Variants in LGI4 observed in about 807,000 individuals in gnomAD.
LGI4 encodes the protein leucine rich repeat LGI family member 4.
A neutral mutation model predicts 48.3 loss-of-function variants in LGI4; 36 were observed. The ratio of observed to expected loss-of-function variants is 0.75; its 90% CI spans 0.57 to 0.98. The LOEUF is 0.98. Among genes scored for constraint, LGI4 ranks in the 50% least tolerant of loss-of-function variants. The pLI is 0.00. For missense variants in LGI4, 701 were observed against 732.1 expected, an observed-to-expected ratio of 0.96 and a Z score of 0.49; for synonymous variants, 355 against 331.6, an observed-to-expected ratio of 1.07 and a Z score of -0.77.
intron 6 of LGI4, among the ~76,000 whole-genome samples, chr19:35,129,265 G>T (rs1257210493): frequency 1.3e-5 from 2 of 151,824 alleles, no homozygotes; most frequent in African/African-American, 2.4e-5. Flanking sequence ...CCAAAAACAT[G>T]TCTTTCTTAC....
chr19:35,127,854 A>G (rs947686805), intron 6 of LGI4, among the ~76,000 whole-genome samples: 1 of 152,230 alleles, frequency 6.6e-6, no homozygotes, highest in Non-Finnish European at 1.5e-5. Context: ...TCTGTTATCC[A>G]ACAAAATCCA....
chr19:35,131,914 C>T, intron 4 of LGI4, 54 bp from the exon 5 acceptor site: 1 of 1,566,370 alleles, frequency 6.4e-7, no homozygotes, highest in Non-Finnish European at 8.7e-7. Context: ...CCTGTGTTCC[C>T]TGGGGGGTGG....
chr19:35,134,956 C>T lies in LGI4; in HGVS notation c.-276G>A, dbSNP rs1216662228. On this transcript the variant is annotated 5_prime_UTR_variant, in exon 1 of 9. Transcript: ENST00000310123. ...TGTTTCTATTTCTGTCTTTGTCTCT[C>T]TTTCTGCCTGTTTCTTTTTTTCTGT... The T allele has an allele frequency of 2.2e-6, 1 of 451,184 alleles. No individual in the cohort carries two copies. The highest frequency in any genetic ancestry group is 4.0e-5 in the Admixed American group (1 of 25,104). The allele number at this position is 451,184 out of a possible 1,614,324, so 27.9% of individuals were successfully genotyped here. A position where few individuals can be genotyped will look rare whatever the true frequency, so the allele number is the denominator to read the frequency against.
chr19:35,126,282 A>G lies in LGI4; in HGVS notation c.1287T>C (p.Ile429=). 1 of 1,611,970 alleles carries G rather than the reference A, an allele frequency of 6.2e-7. No individual in the cohort carries two copies. The highest frequency in any genetic ancestry group is 8.5e-7 in the Non-Finnish European group (1 of 1,179,558). The change falls in exon 8 of 9, where the codon ATT becomes ATC. Residue 429 remains isoleucine, a synonymous_variant. Coordinates refer to ENST00000310123, the MANE Select transcript of LGI4 (RefSeq NM_139284.3). ...GGCCCAGCCTCACCATGGAGTCCCC[A>G]ATGTAGCGTGTGAGGCACAGGAACA... The part of the protein sequence containing the change: ...GDVFLCLTRY[I]GDSMVMRWDG...
chr19:35,131,895 CA>C (rs1410291184), intron 4 of LGI4, 35 bp from the exon 5 acceptor site: 1 of 1,564,940 alleles, frequency 6.4e-7, no homozygotes. Flanking sequence ...TCAGCAGCCA[CA>C]AGGATACCCT....
intron 6 of LGI4, 45 bp downstream of exon 6, chr19:35,131,341 T>G (rs942184771): frequency 1.7e-5 from 27 of 1,548,848 alleles, no homozygotes; most frequent in Middle Eastern, 1.7e-4. Context: ...TGGCAGCCTT[T>G]CCCCCAGATC....
At chr19:35,132,177 A>C in intron 3 of LGI4, 135 bp from the exon 4 acceptor site, 1 of 751,452 alleles carries the variant, frequency 1.3e-6, no homozygotes, top group Non-Finnish European at 2.3e-6. Flanking sequence ...GCCTCTCAAA[A>C]ACCTCTCCTC....
At chr19:35,126,813 C>A (rs748584504) in intron 7 of LGI4, 38 bp from the exon 8 acceptor site, 9 of 1,593,356 alleles carry the variant, frequency 5.6e-6, no homozygotes, top group Non-Finnish European at 5.1e-6. Flanking sequence ...GCCAGCCAGG[C>A]AGGCTGCTGG....
At chr19:35,125,615 A>G in intron 8 of LGI4, 108 bp from the exon 9 acceptor site, 1 of 993,142 alleles carries the variant, frequency 1.0e-6, no homozygotes, top group Non-Finnish European at 1.5e-6. Flanking sequence ...TAGCTTTCTT[A>G]TCTTCATAAA....
At position 35,134,744 on chromosome 19, in the gene LGI4, C is replaced by T. The variant is rs1042243429; in HGVS notation, c.-64G>A. On this transcript the variant is annotated 5_prime_UTR_variant, in exon 1 of 9. Coordinates refer to ENST00000310123, the MANE Select transcript of LGI4 (RefSeq NM_139284.3). Reference sequence around the variant, plus strand: ...CCACCCAGCTCAGCCCAGGCCACTACGTCTCCTCCTCCACCAGGCCGCCCT... The same window carrying T: ...CCACCCAGCTCAGCCCAGGCCACTATGTCTCCTCCTCCACCAGGCCGCCCT... 2.7e-5 allele frequency: 23 copies of T among 866,012 alleles called. No individual in the cohort carries two copies. The highest frequency in any genetic ancestry group is 3.4e-5 in the African/African-American group (2 of 58,064). 53.6% of individuals were successfully genotyped at this position (866,012 alleles called of 1,614,324 possible). A position where few individuals can be genotyped will look rare whatever the true frequency, so the allele number is the denominator to read the frequency against.
intron 5 of LGI4, 62 bp downstream of exon 5, chr19:35,131,727 A>C: frequency 7.0e-7 from 1 of 1,429,046 alleles, no homozygotes; most frequent in Non-Finnish European, 9.6e-7. Flanking sequence ...GTGGGCACGG[A>C]TGCCCCCCGC....
chr19:35,134,359 C>A, intron 1 of LGI4, 152 bp downstream of exon 1: 1 of 830,788 alleles, frequency 1.2e-6, no homozygotes. Flanking sequence ...ATGCCAGCAC[C>A]CCTCTTCAAG....
chr19:35,131,534 G>A lies in LGI4; in HGVS notation c.480C>T (p.Phe160=). 1 of 1,551,112 alleles carries A rather than the reference G, an allele frequency of 6.4e-7. No homozygotes were observed. The highest frequency in any genetic ancestry group is 8.7e-7 in the Non-Finnish European group (1 of 1,146,852). Residue 160 remains phenylalanine, a synonymous_variant, in exon 6 of 9, where the codon TTC becomes TTT. Coordinates refer to ENST00000310123, the MANE Select transcript of LGI4 (RefSeq NM_139284.3). ...GCCAGAGGACGCGGCAGTCACACTG[G>A]AACGGGTTCCCGCGGAGGTCCCTGG... is the stretch of plus-strand genomic sequence containing the variant. The part of the protein sequence containing the change: ...LTHVDLRGNP[F]QCDCRVLWLL...
intron 1 of LGI4, 66 bp from the exon 2 acceptor site, chr19:35,134,170 C>G: frequency 7.0e-7 from 1 of 1,429,234 alleles, no homozygotes; most frequent in Admixed American, 2.0e-5. Flanking sequence ...AAACCAGAAC[C>G]TTCTGCCATC....
rs563990880 is a variant in LGI4 at position 35,133,484 on chromosome 19, A to T, written c.314+209T>A. 1.4e-5 allele frequency: 20 copies of T among 1,407,606 alleles called. No homozygotes were observed. In the East Asian group the frequency reaches 4.7e-4, roughly 33 times the overall value. The allele number at this position is 1,407,606 out of a possible 1,614,324, so 87.2% of individuals were successfully genotyped here. A position where few individuals can be genotyped will look rare whatever the true frequency, so the allele number is the denominator to read the frequency against. ...GTGAGGTGATAATCAACACTGATAA[A>T]CATCATTGACACCAGCCCTGAGAAC... is the stretch of plus-strand genomic sequence containing the variant. On this transcript the variant is annotated intron_variant, in intron 3 of 8. Transcript: ENST00000310123.
chr19:35,127,626 T>A (rs2065149250), intron 6 of LGI4, among the ~76,000 whole-genome samples: 1 of 152,186 alleles, frequency 6.6e-6, no homozygotes, highest in Non-Finnish European at 1.5e-5. Context: ...GACCTCATAA[T>A]CTGCCCGCCT....
chr19:35,131,244 T>A (rs1162914448), intron 6 of LGI4, 142 bp downstream of exon 6: 1 of 982,718 alleles, frequency 1.0e-6, no homozygotes, highest in Non-Finnish European at 1.6e-6. Flanking sequence ...ATGAGAAAAC[T>A]GGGGCTCAGG....
intron 3 of LGI4, among the ~76,000 whole-genome samples, chr19:35,132,331 T>C (rs2145367962): frequency 6.6e-6 from 1 of 152,184 alleles, no homozygotes; most frequent in Admixed American, 6.5e-5. Context: ...TCCAGCATCA[T>C]TGGTAATGAC....
At position 35,131,960 on chromosome 19, in the gene LGI4, G is replaced by A. The variant is rs2065178920; in HGVS notation, c.386+11C>T. On this transcript the variant is annotated intron_variant, in intron 4 of 8. Coordinates refer to ENST00000310123, the MANE Select transcript of LGI4 (RefSeq NM_139284.3). The stretch of plus-strand genomic sequence containing the variant: ...CCTCTCATGGAGGGCTGGGGCGGTG[G>A]AGGCACGCACAGGTGTGTAAGCGAG... The A allele has an allele frequency of 6.3e-7, 1 of 1,585,980 alleles. No homozygotes were observed. The highest frequency in any genetic ancestry group is 8.6e-7 in the Non-Finnish European group (1 of 1,165,630).
Sources: allele counts gnomAD v4.1 joint callset (sites outside exome capture counted in the v4.1 genomes callset), GRCh38; gene constraint gnomAD v4.1.1; transcripts MANE v1.5; gene names NCBI Gene and HGNC (gene_info 2026-07-23, HGNC 2026-07-21).